HUNK: variants seen among roughly 807,000 people sequenced by gnomAD.
HUNK encodes hormonally up-regulated neu tumor-associated kinase.
HUNK carries 21 observed loss-of-function variants against 61.0 expected under a neutral mutation model. The ratio of observed to expected loss-of-function variants is 0.34; its 90% confidence interval spans 0.24 to 0.50. The LOEUF is 0.50. HUNK is among the 20% of genes least tolerant of loss of function. The probability of loss-of-function intolerance (pLI) is 0.98; values close to 1 mark genes in which losing one functional copy is unlikely to be tolerated. For synonymous variants in HUNK, 371 were observed against 386.1 expected, an observed-to-expected ratio of 0.96 and a Z score of 0.46; for missense variants, 772 against 945.7, an observed-to-expected ratio of 0.82 and a Z score of 2.41.
At chr21:31,875,080 C>G (rs1311923547) in intron 1 of HUNK, among the ~76,000 whole-genome samples, 1 of 152,156 alleles carries the variant, frequency 6.6e-6, no homozygotes, top group Non-Finnish European at 1.5e-5. Flanking sequence ...TTTGTGTGGT[C>G]CGTGGGTCAG....
chr21:31,921,476 G>A (rs1171572351), intron 1 of HUNK, among the ~76,000 whole-genome samples: 1 of 152,094 alleles, frequency 6.6e-6, no homozygotes, highest in Non-Finnish European at 1.5e-5. Context: ...GGAGTACCTG[G>A]AGAGTGATAG....
At chr21:31,877,512 T>C (rs1461783516) in intron 1 of HUNK, among the ~76,000 whole-genome samples, 1 of 152,204 alleles carries the variant, frequency 6.6e-6, no homozygotes, top group South Asian at 2.1e-4. Flanking sequence ...AAAGGAAAGA[T>C]GGCTTGCGGC....
At chr21:31,917,789 A>G (rs2052595933) in intron 1 of HUNK, among the ~76,000 whole-genome samples, 1 of 148,866 alleles carries the variant, frequency 6.7e-6, no homozygotes, top group Admixed American at 6.7e-5. Flanking sequence ...CCCTGGCGGC[A>G]TTGGCTGGGG....
intron 4 of HUNK, among the ~76,000 whole-genome samples, chr21:31,952,604 AT>A (rs35878396): frequency 0.69 from 104,438 of 151,700 alleles, 36,289 homozygotes; most frequent in Non-Finnish European, 0.74. Context: ...TCCAGGGAGT[AT>A]TTTTTTTTGT....
At chr21:31,980,535 CA>C in intron 7 of HUNK, among the ~76,000 whole-genome samples, 1 of 151,902 alleles carries the variant, frequency 6.6e-6, no homozygotes, top group Non-Finnish European at 1.5e-5. Context: ...TGCCTGCCAC[CA>C]CACGTGGCTA....
intron 4 of HUNK, among the ~76,000 whole-genome samples, chr21:31,950,448 G>A (rs1396914313): frequency 6.6e-6 from 1 of 152,232 alleles, no homozygotes; most frequent in African/African-American, 2.4e-5. Context: ...GATGAGTGGA[G>A]ACGGCCAGGT....
At chr21:31,933,058 G>A (rs2052709236) in intron 2 of HUNK, among the ~76,000 whole-genome samples, 1 of 151,826 alleles carries the variant, frequency 6.6e-6, no homozygotes, top group African/African-American at 2.4e-5. Flanking sequence ...TGAGACTACA[G>A]GCGCCCATCA....
chr21:31,989,673 T>C (rs1003206824), intron 8 of HUNK, among the ~76,000 whole-genome samples: 2 of 139,652 alleles, frequency 1.4e-5, no homozygotes, highest in Admixed American at 1.5e-4. Flanking sequence ...AAGGTCGTGC[T>C]ACTGCACTCT....
intron 4 of HUNK, among the ~76,000 whole-genome samples, chr21:31,952,129 A>G (rs190596528): frequency 1.5e-4 from 23 of 152,282 alleles, no homozygotes; most frequent in Non-Finnish European, 2.6e-4. Context: ...ATTTCTTGCT[A>G]AACATAGACC....
At chr21:31,894,278 A>G in intron 1 of HUNK, among the ~76,000 whole-genome samples, 1 of 152,164 alleles carries the variant, frequency 6.6e-6, no homozygotes, top group East Asian at 1.9e-4. Flanking sequence ...GAAAGGAGAA[A>G]ATAGCTGATG....
intron 1 of HUNK, among the ~76,000 whole-genome samples, chr21:31,913,845 G>A (rs1740457040): frequency 6.6e-6 from 1 of 151,920 alleles, no homozygotes; most frequent in South Asian, 2.1e-4. Flanking sequence ...GGTCAGCAGG[G>A]AGAGTAGCCT....
At chr21:31,966,802 G>A (rs1340579194) in intron 5 of HUNK, among the ~76,000 whole-genome samples, 1 of 152,146 alleles carries the variant, frequency 6.6e-6, no homozygotes, top group African/African-American at 2.4e-5. Context: ...GGGGGACCAA[G>A]CACATTATTA....
chr21:31,926,061 G>A (rs1458213571), intron 2 of HUNK, among the ~76,000 whole-genome samples: 8 of 152,112 alleles, frequency 5.3e-5, no homozygotes, highest in Non-Finnish European at 1.0e-4. Flanking sequence ...TGGGATTACA[G>A]GCATGTGCCA....
intron 1 of HUNK, among the ~76,000 whole-genome samples, chr21:31,920,686 C>T (rs553513470): frequency 6.6e-6 from 1 of 152,292 alleles, no homozygotes; most frequent in East Asian, 1.9e-4. Context: ...CAGAGTGTAA[C>T]TTTACCTCCT....
chr21:31,917,202 C>A (rs1398953991), intron 1 of HUNK, among the ~76,000 whole-genome samples: 1 of 151,828 alleles, frequency 6.6e-6, no homozygotes, highest in African/African-American at 2.4e-5. Context: ...TTCTGTTTTT[C>A]CTTTTTCTGA....
chr21:31,974,521 G>A lies in HUNK; in HGVS notation c.1011-34G>A, dbSNP rs183149457. 3.9e-5 allele frequency: 62 copies of A among 1,596,748 alleles called. No individual in the cohort carries two copies. The African/African-American group carries it at 7.4e-4, about 19-fold the overall frequency. ...TGTGTGGGGCTCTCCGTGAAGTGCA[G>A]GGGTGACTGGTCCTCTCTCTCTGCA... On this transcript the variant is annotated intron_variant, in intron 6 of 10. Coordinates refer to ENST00000270112, the MANE Select transcript of HUNK (RefSeq NM_014586.2).
At chr21:31,943,131 TTAATAG>T in intron 3 of HUNK, among the ~76,000 whole-genome samples, 1 of 152,364 alleles carries the variant, frequency 6.6e-6, no homozygotes, top group Non-Finnish European at 1.5e-5. Flanking sequence ...TGATTGCCTC[TTAATAG>T]TTTCTCTTTC....
At chr21:31,978,352 CTT>C (rs2053065546) in intron 7 of HUNK, among the ~76,000 whole-genome samples, 1 of 152,144 alleles carries the variant, frequency 6.6e-6, no homozygotes, top group Non-Finnish European at 1.5e-5. Flanking sequence ...AATCTACTCT[CTT>C]AGCAATTTAC....
chr21:31,998,491 G>A (rs763672727), intron 10 of HUNK, 35 bp from the exon 11 acceptor site: 7 of 1,538,934 alleles, frequency 4.5e-6, no homozygotes, highest in Middle Eastern at 1.8e-4. Flanking sequence ...CTGTCCGGAC[G>A]TCCTCATGAT....
Sources: gnomAD v4.1 joint callset for allele counts (sites outside exome capture counted in the v4.1 genomes callset) on GRCh38, gnomAD v4.1.1 for gene constraint, MANE v1.5 for transcripts, NCBI Gene and HGNC (gene_info 2026-07-23, HGNC 2026-07-21) for gene names.